Variants in SLCO5A1 observed in about 807,000 individuals in gnomAD.
SLCO5A1 encodes the protein organic anion transporter polypeptide-related protein 4.
Under a neutral mutation model 65.1 loss-of-function variants are expected in SLCO5A1, and 39 were observed. That is an observed-to-expected ratio of 0.60 (90% CI 0.46 to 0.78). SLCO5A1 has a LOEUF of 0.78. SLCO5A1 is among the 30% of genes least tolerant of loss of function. The pLI, the probability that SLCO5A1 is intolerant of heterozygous loss-of-function variation, is 0.00. For missense variants in SLCO5A1, 1,029 were observed against 1,069.4 expected, an observed-to-expected ratio of 0.96 and a Z score of 0.53; for synonymous variants, 438 against 415.7, an observed-to-expected ratio of 1.05 and a Z score of -0.65.
At chr8:69,778,260 T>TGC (rs1818652774) in intron 2 of SLCO5A1, among the ~76,000 whole-genome samples, 1 of 148,028 alleles carries the variant, frequency 6.8e-6, no homozygotes. Context: ...TGTGTGTGTG[T>TGC]GCATATATGT....
chr8:69,815,226 T>G (rs1445136295), intron 2 of SLCO5A1, among the ~76,000 whole-genome samples: 1 of 152,236 alleles, frequency 6.6e-6, no homozygotes, highest in African/African-American at 2.4e-5. Flanking sequence ...TAGTCTGCAT[T>G]GTATTCATAA....
At chr8:69,797,383 T>A (rs557926219) in intron 2 of SLCO5A1, among the ~76,000 whole-genome samples, 47 of 152,318 alleles carry the variant, frequency 3.1e-4, no homozygotes, top group African/African-American at 1.0e-3. Flanking sequence ...GTAGAGCATG[T>A]GTGTTTGAAC....
At chr8:69,679,739 A>C in intron 7 of SLCO5A1, 120 bp from the exon 8 acceptor site, 1 of 1,383,350 alleles carries the variant, frequency 7.2e-7, no homozygotes, top group South Asian at 1.4e-5. Flanking sequence ...TTCAAACACA[A>C]AATATTTCAT....
intron 4 of SLCO5A1, among the ~76,000 whole-genome samples, chr8:69,750,544 A>T (rs2130854588): frequency 6.6e-6 from 1 of 152,246 alleles, no homozygotes; most frequent in East Asian, 1.9e-4. Flanking sequence ...TATGTCCAAC[A>T]GACCAACCAC....
chr8:69,783,060 A>G (rs1002354909), intron 2 of SLCO5A1, among the ~76,000 whole-genome samples: 1 of 152,178 alleles, frequency 6.6e-6, no homozygotes, highest in Non-Finnish European at 1.5e-5. Flanking sequence ...AGTAAATGAA[A>G]CAATGTACAT....
intron 2 of SLCO5A1, among the ~76,000 whole-genome samples, chr8:69,778,667 G>A (rs1247414224): frequency 6.6e-6 from 1 of 152,170 alleles, no homozygotes; most frequent in African/African-American, 2.4e-5. Context: ...TTATTCAGCT[G>A]CTAATACTCC....
chr8:69,692,961 T>C (rs2380564), intron 6 of SLCO5A1, among the ~76,000 whole-genome samples: 20,499 of 152,238 alleles, frequency 0.13, 1,895 homozygotes, highest in African/African-American at 0.27. Context: ...TCAAGTTCTA[T>C]GTACTCTACA....
intron 6 of SLCO5A1, among the ~76,000 whole-genome samples, chr8:69,689,111 T>C (rs1026179045): frequency 2.1e-5 from 3 of 145,858 alleles, no homozygotes; most frequent in Non-Finnish European, 4.5e-5. Context: ...TTTTTTCATG[T>C]GTCTTTTGGC....
At chr8:69,754,795 T>C (rs1411130939) in intron 4 of SLCO5A1, among the ~76,000 whole-genome samples, 2 of 152,152 alleles carry the variant, frequency 1.3e-5, no homozygotes, top group African/African-American at 4.8e-5. Context: ...AAATAAACCA[T>C]ATATCACCAA....
Position 69,670,832 on chromosome 8 carries a change from C to T in SLCO5A1, c.*2037G>A, listed in dbSNP as rs764911356. Reference sequence around the variant, plus strand: ...GAAGAAAATTAAGAAAACACCACACCTCTCCAATCTACATATCTTTAACTC... The same window carrying T: ...GAAGAAAATTAAGAAAACACCACACTTCTCCAATCTACATATCTTTAACTC... On this transcript the variant is annotated 3_prime_UTR_variant, in exon 10 of 10. Coordinates refer to ENST00000260126, the MANE Select transcript of SLCO5A1 (RefSeq NM_030958.3). The T allele has an allele frequency of 2.0e-5, 3 of 152,178 alleles. No individual in the cohort carries two copies. The highest frequency in any genetic ancestry group is 4.4e-5 in the Non-Finnish European group (3 of 68,044). 9.4% of individuals were successfully genotyped at this position (152,178 alleles called of 1,614,324 possible).
intron 5 of SLCO5A1, 115 bp from the exon 6 acceptor site, chr8:69,705,344 C>T (rs961002276): frequency 2.6e-5 from 21 of 794,086 alleles, no homozygotes; most frequent in Admixed American, 1.6e-4. Flanking sequence ...TTACTATAAT[C>T]AATACATCTT....
At chr8:69,726,667 CT>C (rs956619212) in intron 5 of SLCO5A1, among the ~76,000 whole-genome samples, 1 of 151,750 alleles carries the variant, frequency 6.6e-6, no homozygotes, top group African/African-American at 2.4e-5. Context: ...GCCCAGCTAA[CT>C]TTTATACTTT....
chr8:69,800,996 A>G (rs755396203), intron 2 of SLCO5A1, among the ~76,000 whole-genome samples: 1 of 152,182 alleles, frequency 6.6e-6, no homozygotes, highest in East Asian at 1.9e-4. Flanking sequence ...ACAGATAATA[A>G]TGGAACTTAC....
At chr8:69,790,126 G>T (rs1448913610) in intron 2 of SLCO5A1, among the ~76,000 whole-genome samples, 1 of 150,916 alleles carries the variant, frequency 6.6e-6, no homozygotes, top group African/African-American at 2.4e-5. Flanking sequence ...CCAGGAGGCG[G>T]GGTTGCAGTG....
At chr8:69,767,889 C>CAAAAA (rs746004982) in intron 2 of SLCO5A1, among the ~76,000 whole-genome samples, 6 of 34,976 alleles carry the variant, frequency 1.7e-4, no homozygotes, top group Non-Finnish European at 2.7e-4. Context: ...GACTCCATCT[C>CAAAAA]AAAAAAAAAA....
intron 5 of SLCO5A1, among the ~76,000 whole-genome samples, chr8:69,718,662 A>G (rs1815675597): frequency 1.3e-5 from 2 of 152,222 alleles, no homozygotes. Context: ...ACTTACAAAA[A>G]TATGTAATTT....
chr8:69,792,264 T>C lies in SLCO5A1; in HGVS notation c.908-30389A>G, dbSNP rs374941850. On this transcript the variant is annotated intron_variant, in intron 2 of 9. Transcript: ENST00000260126. Reference sequence around the variant, plus strand: ...CGCAATTCACAAAGGAAAAAAAAAATGAACATTTCAGACAAGTGTATATTA... The same window carrying C: ...CGCAATTCACAAAGGAAAAAAAAAACGAACATTTCAGACAAGTGTATATTA... Among the ~76,000 whole-genome samples, 51 of 150,798 alleles carry C rather than the reference T, an allele frequency of 3.4e-4. No homozygotes were observed. The South Asian group carries it at 4.0e-3, about 12-fold the overall frequency.
chr8:69,763,963 C>G (rs1817929952), intron 2 of SLCO5A1, among the ~76,000 whole-genome samples: 1 of 152,140 alleles, frequency 6.6e-6, no homozygotes. Flanking sequence ...TGCCCCGGTT[C>G]AAGCGATTCT....
intron 5 of SLCO5A1, among the ~76,000 whole-genome samples, chr8:69,732,215 A>ATAAAAATTACAGTAATTT (rs1443462296): frequency 2.0e-5 from 3 of 152,242 alleles, no homozygotes; most frequent in African/African-American, 7.2e-5. Flanking sequence ...TTAGACAACA[A>ATAAAAATTACAGTAATTT]TAAAAATTAC....
Sources: allele counts gnomAD v4.1 joint callset (sites outside exome capture counted in the v4.1 genomes callset), GRCh38; gene constraint gnomAD v4.1.1; transcripts MANE v1.5; gene names NCBI Gene and HGNC (gene_info 2026-07-23, HGNC 2026-07-21).